Variants in AMHR2 observed in about 807,000 individuals in gnomAD.
AMHR2 encodes the protein anti-Mullerian hormone receptor type 2.
Under a neutral mutation model 61.4 loss-of-function variants are expected in AMHR2, and 36 were observed. The ratio of observed to expected loss-of-function variants is 0.59; its 90% CI spans 0.45 to 0.77. AMHR2 has a LOEUF of 0.77. AMHR2 is among the 30% of genes least tolerant of loss of function. The probability of loss-of-function intolerance (pLI) is 0.00; values close to 1 mark genes in which losing one functional copy is unlikely to be tolerated. For synonymous variants in AMHR2, 258 were observed against 279.4 expected, an observed-to-expected ratio of 0.92 and a Z score of 0.76; for missense variants, 638 against 714.6, an observed-to-expected ratio of 0.89 and a Z score of 1.22.
chr12:53,428,864 T>C (rs1485280794), intron 6 of AMHR2, 32 bp from the exon 7 acceptor site: 4 of 1,496,270 alleles, frequency 2.7e-6, no homozygotes, highest in Non-Finnish European at 2.7e-6. Flanking sequence ...TCCAGCTTTG[T>C]GTACCATCCT....
chr12:53,429,656 GGAT>G, intron 8 of AMHR2, 31 bp downstream of exon 8: 1 of 1,611,592 alleles, frequency 6.2e-7, no homozygotes, highest in Non-Finnish European at 8.5e-7. Flanking sequence ...GTGAGGCCCA[GGAT>G]GATGTTGGTG....
At chr12:53,424,669 C>A (rs1939379306) in intron 2 of AMHR2, 40 bp from the exon 3 acceptor site, 1 of 1,594,528 alleles carries the variant, frequency 6.3e-7, no homozygotes, top group Non-Finnish European at 8.6e-7. Flanking sequence ...TCTTCCTTGC[C>A]CCCCCTTTCT....
Position 53,423,893 on chromosome 12 carries a change from G to T in AMHR2, c.-42G>T. The T allele has an allele frequency of 6.2e-7, 1 of 1,612,248 alleles. No individual in the cohort carries two copies. Among genetic ancestry groups the T allele is most frequent in the Non-Finnish European group, 8.5e-7 (1 of 1,178,514 alleles). On this transcript the variant is annotated 5_prime_UTR_variant, in exon 1 of 11. Coordinates refer to ENST00000257863, the MANE Select transcript of AMHR2 (RefSeq NM_020547.3). Reference sequence around the variant, plus strand: ...GATTTGGCCAGGGGCAGCTGTGCTGGCTTATGCTCTTCTCCTTCTGCTGCT... The same window carrying T: ...GATTTGGCCAGGGGCAGCTGTGCTGTCTTATGCTCTTCTCCTTCTGCTGCT...
At chr12:53,427,191 G>A (rs1392529624) in intron 6 of AMHR2, among the ~76,000 whole-genome samples, 2 of 152,100 alleles carry the variant, frequency 1.3e-5, no homozygotes, top group African/African-American at 4.8e-5. Context: ...AATGTCAAGT[G>A]TGCTAAGTGC....
Position 53,429,482 on chromosome 12 carries a change from G to T in AMHR2, c.997G>T (p.Asp333Tyr), listed in dbSNP as rs769925441. The T allele has an allele frequency of 2.5e-6, 4 of 1,613,620 alleles. No homozygotes were observed. The highest frequency in any genetic ancestry group is 3.4e-6 in the Non-Finnish European group (4 of 1,180,010). ...GQYKPGIAHR[D>Y]LSSQNVLIRE... Reference sequence around the variant, plus strand: ...ATATAAACCAGGTATTGCCCACCGAGATCTGAGCAGCCAGAATGTGCTCAT... The same window carrying T: ...ATATAAACCAGGTATTGCCCACCGATATCTGAGCAGCCAGAATGTGCTCAT... Residue 333 changes from aspartate (D) to tyrosine (Y), a missense_variant, in exon 8 of 11, where the codon GAT (aspartate) becomes TAT (tyrosine). Transcript: ENST00000257863.
chr12:53,426,723 C>T (rs1276611033), intron 6 of AMHR2, among the ~76,000 whole-genome samples: 1 of 151,766 alleles, frequency 6.6e-6, no homozygotes, highest in Non-Finnish European at 1.5e-5. Flanking sequence ...TGCTCTGTTG[C>T]CCAGGCTGGA....
At position 53,429,925 on chromosome 12, in the gene AMHR2, CTT is replaced by C; in HGVS notation, c.1237_1238del (p.Leu413GlyfsTer17). ...GCCCTCCGACGAGCTGATATTTACT[CTT>C]TGGCTCTGCTCCTGTGGGAGATACT... On this transcript the variant is annotated frameshift_variant, in exon 9 of 11. Coordinates refer to ENST00000257863, the MANE Select transcript of AMHR2 (RefSeq NM_020547.3). LOFTEE classifies it high-confidence loss of function. 1 of 1,614,174 alleles carries C rather than the reference CTT, an allele frequency of 6.2e-7. No individual in the cohort carries two copies.
rs372745663 is a variant in AMHR2, at chr12:53,425,547, G to A, written c.595G>A (p.Glu199Lys). Reference protein sequence around the residue: ...SGRDWSVELQELPELCFSQVI... With the variant: ...SGRDWSVELQKLPELCFSQVI... The stretch of plus-strand genomic sequence containing the variant: ...CAGGGACTGGAGTGTGGAGCTGCAG[G>A]AGCTGCCTGAGCTGTGTTTCTCCCA... Residue 199 changes from glutamate (E) to lysine (K), a missense_variant, in exon 5 of 11, where the codon GAG becomes AAG. Physicochemically the swap from Glu to Lys is moderately conservative, Grantham distance 56 (BLOSUM62 1). Coordinates refer to ENST00000257863, the MANE Select transcript of AMHR2 (RefSeq NM_020547.3). The A allele has an allele frequency of 6.2e-7, 1 of 1,614,048 alleles. No individual in the cohort carries two copies. The highest frequency in any genetic ancestry group is 8.5e-7 in the Non-Finnish European group (1 of 1,180,026).
intron 6 of AMHR2, 39 bp downstream of exon 6, chr12:53,425,958 G>T (rs1355438196): frequency 6.3e-7 from 1 of 1,582,130 alleles, no homozygotes; most frequent in South Asian, 1.1e-5. Flanking sequence ...GTGTGTGCCT[G>T]TGTGTATGTA....
rs1260095451 is a variant in AMHR2, at chr12:53,431,253, T to C, written c.1502T>C (p.Val501Ala). ...GAAGCACGGCTGACAGCTGAGTGTG[T>C]ACAGCAGCGCCTGGCTGCCTTGGCC... The part of the protein sequence containing the change: ...DPEARLTAEC[V>A]QQRLAALAHP... Residue 501 changes from valine (V) to alanine (A), a missense_variant, in exon 11 of 11, where the codon GTA (valine) becomes GCA (alanine). Transcript: ENST00000257863. 6 of 1,614,226 alleles carry C rather than the reference T, an allele frequency of 3.7e-6. No individual in the cohort carries two copies. Among genetic ancestry groups the C allele is most frequent in the Non-Finnish European group, 5.1e-6 (6 of 1,180,038 alleles).
rs1252019616 is a variant in AMHR2, at chr12:53,425,714, TG to T, written c.649del (p.Val217PhefsTer75). 5 of 1,613,958 alleles carry T rather than the reference TG, an allele frequency of 3.1e-6. No homozygotes were observed. The African/African-American group carries it at 6.7e-5, about 22-fold the overall frequency. On this transcript the variant is annotated frameshift_variant, in exon 6 of 11. Transcript: ENST00000257863. LOFTEE classifies it high-confidence loss of function. ...GTAATCCGGGAAGGAGGTCATGCAGTGGTTTGGGCCGGGCAGCTGCAAGGAA... is the reference window on the plus strand; with the variant it reads ...GTAATCCGGGAAGGAGGTCATGCAGTGTTTGGGCCGGGCAGCTGCAAGGAA... ...SQVIREGGHA[V>X]VWAGQLQGKL... is the part of the protein sequence containing the mutation.
At chr12:53,429,662 T>C (rs932775538) in intron 8 of AMHR2, 37 bp downstream of exon 8, 1 of 1,610,710 alleles carries the variant, frequency 6.2e-7, no homozygotes, top group Admixed American at 1.7e-5. Flanking sequence ...CCCAGGATGA[T>C]GTTGGTGCTG....
chr12:53,426,705 C>T lies in AMHR2; in HGVS notation c.852+786C>T, dbSNP rs180788968. Among the ~76,000 whole-genome samples the T allele has an allele frequency of 5.9e-4, 90 of 151,650 alleles. 1 individual carries two copies. The highest frequency in any genetic ancestry group is 3.4e-3 in the Middle Eastern group (1 of 294). On this transcript the variant is annotated intron_variant, in intron 6 of 10. Coordinates refer to ENST00000257863, the MANE Select transcript of AMHR2 (RefSeq NM_020547.3). ...TTTTTATTTTATTTTGGTGGGAGGA[C>T]GGAGTCTTGCTCTGTTGCCCAGGCT...
At chr12:53,429,319 G>C in intron 7 of AMHR2, 134 bp from the exon 8 acceptor site, 1 of 951,920 alleles carries the variant, frequency 1.1e-6, no homozygotes. Flanking sequence ...TTGAACCCGG[G>C]AGGCGGAGGT....
In AMHR2 at chr12:53,431,419, G is replaced by A; in HGVS notation, c.1668G>A (p.Gln556=). The A allele has an allele frequency of 6.2e-7, 1 of 1,614,240 alleles. No individual in the cohort carries two copies. Residue 556 remains glutamine, a synonymous_variant, in exon 11 of 11, where the codon CAG becomes CAA. Coordinates refer to ENST00000257863, the MANE Select transcript of AMHR2 (RefSeq NM_020547.3). The part of the protein sequence containing the change: ...PQRSACHFSV[Q]QGPCSRNPQP... Reference sequence around the variant, plus strand: ...GGAGTGCCTGCCACTTCAGCGTTCAGCAAGGCCCTTGTTCCAGGAATCCTC... The same window carrying A: ...GGAGTGCCTGCCACTTCAGCGTTCAACAAGGCCCTTGTTCCAGGAATCCTC...
chr12:53,431,174 C>A lies in AMHR2; in HGVS notation c.1426-3C>A. ...AACCCTTCCTCCCTGTCATTCCCCC[C>A]AGGACCCTGATGGGCTGAGGGAGCT... On this transcript the variant is annotated splice_polypyrimidine_tract_variant and splice_region_variant and intron_variant, in intron 10 of 10. Transcript: ENST00000257863. The A allele has an allele frequency of 6.2e-7, 1 of 1,614,074 alleles. No individual in the cohort carries two copies.
intron 10 of AMHR2, 48 bp downstream of exon 10, chr12:53,430,330 G>C: frequency 1.9e-6 from 3 of 1,613,918 alleles, no homozygotes; most frequent in Non-Finnish European, 2.5e-6. Flanking sequence ...GTGGGGGCTG[G>C]GCATGGGCTT....
At chr12:53,426,883 A>G (rs1939645213) in intron 6 of AMHR2, among the ~76,000 whole-genome samples, 1 of 148,150 alleles carries the variant, frequency 6.7e-6, no homozygotes, top group South Asian at 2.1e-4. Context: ...GGGTTTCACC[A>G]TGTTGGCCAG....
chr12:53,429,945 G>T lies in AMHR2; in HGVS notation c.1255G>T (p.Glu419Ter). The change falls in exon 9 of 11, where the codon GAG becomes TAG. Residue 419 changes from glutamate (E) to a stop codon, truncating the protein, a stop_gained. Coordinates refer to ENST00000257863, the MANE Select transcript of AMHR2 (RefSeq NM_020547.3). LOFTEE classifies it high-confidence loss of function. ...DIYSLALLLW[E>*]ILSRCPDLRP... ...TTACTCTTTGGCTCTGCTCCTGTGG[G>T]AGATACTGAGCCGCTGCCCAGATTT... 6.2e-7 allele frequency: 1 copy of T among 1,614,206 alleles called. No individual in the cohort carries two copies. Among genetic ancestry groups the T allele is most frequent in the Non-Finnish European group, 8.5e-7 (1 of 1,180,028 alleles).
Sources: gnomAD v4.1 joint callset for allele counts (sites outside exome capture counted in the v4.1 genomes callset) on GRCh38, gnomAD v4.1.1 for gene constraint, MANE v1.5 for transcripts, NCBI Gene and HGNC (gene_info 2026-07-23, HGNC 2026-07-21) for gene names.